Variants in TSPAN14 observed in about 807,000 individuals in gnomAD.
TSPAN14 encodes the protein tetraspanin-14.
Under a neutral mutation model 36.6 loss-of-function variants are expected in TSPAN14, and 16 were observed. The ratio of observed to expected loss-of-function variants is 0.44; its 90% CI spans 0.30 to 0.66. The LOEUF (loss-of-function observed/expected upper bound fraction) is 0.66. Among genes scored for constraint, TSPAN14 ranks in the 30% least tolerant of loss-of-function variants. The probability of loss-of-function intolerance (pLI) is 0.12; values close to 1 mark genes in which losing one functional copy is unlikely to be tolerated. For synonymous variants in TSPAN14, 139 were observed against 143.8 expected (o/e 0.97, Z 0.24); for missense variants, 231 against 355.1 (o/e 0.65, Z 2.81).
chr10:80,500,314 CTTTTTTTTTTTTTTT>C (rs144759161), intron 2 of TSPAN14, among the ~76,000 whole-genome samples: 11 of 47,890 alleles, frequency 2.3e-4, no homozygotes, highest in African/African-American at 4.3e-4. Context: ...AGGCCTTATT[CTTTTTTTTTTTTTTT>C]TTTTTTTTTT....
intron 1 of TSPAN14, among the ~76,000 whole-genome samples, chr10:80,474,874 T>TA: frequency 6.6e-6 from 1 of 152,206 alleles, no homozygotes; most frequent in East Asian, 1.9e-4. Context: ...TATTAGTATA[T>TA]AAAAAATGAG....
chr10:80,489,976 G>A (rs1847837220), intron 2 of TSPAN14, among the ~76,000 whole-genome samples: 1 of 152,204 alleles, frequency 6.6e-6, no homozygotes, highest in Admixed American at 6.5e-5. Context: ...ACAAACAGAA[G>A]GCCATGTGGC....
intron 2 of TSPAN14, among the ~76,000 whole-genome samples, chr10:80,501,443 C>A (rs1302438154): frequency 6.6e-6 from 1 of 152,118 alleles, no homozygotes; most frequent in Non-Finnish European, 1.5e-5. Flanking sequence ...GGAAACAATA[C>A]CCTTAGAAGT....
chr10:80,489,303 A>G lies in TSPAN14; in HGVS notation c.70A>G (p.Ile24Val), dbSNP rs1589269774. Reference sequence around the variant, plus strand: ...CAAGTACCTCCTTTTCAGCTACAACATCATCTTCTGGGTAAGTGGATGAGA... The same window carrying G: ...CAAGTACCTCCTTTTCAGCTACAACGTCATCTTCTGGGTAAGTGGATGAGA... The change falls in exon 2 of 9, where the codon ATC becomes GTC. Residue 24 changes from isoleucine to valine, a missense_variant. Physicochemically the swap from Ile to Val is conservative, Grantham distance 29. Transcript: ENST00000429989. The G allele has an allele frequency of 3.8e-6, 6 of 1,571,312 alleles. No homozygotes were observed. The highest frequency in any genetic ancestry group is 1.9e-5 in the Admixed American group (1 of 53,790).
intron 1 of TSPAN14, among the ~76,000 whole-genome samples, chr10:80,467,195 G>T (rs980546421): frequency 6.6e-6 from 1 of 152,080 alleles, no homozygotes; most frequent in Non-Finnish European, 1.5e-5. Context: ...AATCCCAAAA[G>T]GGAGGAGGTA....
chr10:80,483,058 T>C (rs1050580829), intron 1 of TSPAN14, among the ~76,000 whole-genome samples: 1 of 151,986 alleles, frequency 6.6e-6, no homozygotes, highest in African/African-American at 2.4e-5. Context: ...TTCACACTTA[T>C]GAATTGTTGA....
chr10:80,510,873 CAAAAA>C (rs1441945280), intron 5 of TSPAN14, among the ~76,000 whole-genome samples: 2 of 151,468 alleles, frequency 1.3e-5, no homozygotes, highest in South Asian at 2.1e-4. Flanking sequence ...GACTCCGTCT[CAAAAA>C]AAAGATAAAA....
At chr10:80,512,612 C>T (rs1159381286) in intron 6 of TSPAN14, among the ~76,000 whole-genome samples, 1 of 152,184 alleles carries the variant, frequency 6.6e-6, no homozygotes, top group African/African-American at 2.4e-5. Context: ...GGAGCAGATT[C>T]CTAGAACTCA....
intron 1 of TSPAN14, among the ~76,000 whole-genome samples, chr10:80,479,351 A>G (rs1431419630): frequency 6.6e-6 from 1 of 151,442 alleles, no homozygotes; most frequent in Non-Finnish European, 1.5e-5. Context: ...GGTGTTTTAG[A>G]CATGAAGTCC....
chr10:80,507,248 C>T, exon 4 of TSPAN14: 1 of 1,614,186 alleles, frequency 6.2e-7, no homozygotes, highest in South Asian at 1.1e-5. Context: ...CCGACCTCAC[C>T]AAAGTGACCC....
At chr10:80,513,523 A>G (rs1840767921) in intron 6 of TSPAN14, among the ~76,000 whole-genome samples, 1 of 152,206 alleles carries the variant, frequency 6.6e-6, no homozygotes, top group Non-Finnish European at 1.5e-5. Context: ...TGCTTTTAGC[A>G]CATATAGTTC....
chr10:80,520,416 C>A (rs981443268), exon 9 of TSPAN14: 36 of 414,090 alleles, frequency 8.7e-5, no homozygotes, highest in Admixed American at 2.9e-5. Context: ...CGGCTGTCCG[C>A]ACAGAGGCAC....
intron 1 of TSPAN14, among the ~76,000 whole-genome samples, chr10:80,464,827 T>C (rs957361941): frequency 1.3e-5 from 2 of 150,896 alleles, no homozygotes; most frequent in African/African-American, 2.4e-5. Context: ...GGCTCTGCCC[T>C]GGTTTCCTGC....
chr10:80,504,864 C>G (rs1485922249), intron 3 of TSPAN14, 86 bp downstream of exon 3: 1 of 1,422,000 alleles, frequency 7.0e-7, no homozygotes, highest in Non-Finnish European at 9.9e-7. Flanking sequence ...CAATCTGTTC[C>G]CTGACAACAA....
chr10:80,518,214 A>G (rs1430508626), exon 9 of TSPAN14: 5 of 554,772 alleles, frequency 9.0e-6, no homozygotes, highest in African/African-American at 3.8e-5. Flanking sequence ...GAGACAGAGA[A>G]TGTGTCTTTA....
chr10:80,482,459 T>G (rs1847333098), intron 1 of TSPAN14, among the ~76,000 whole-genome samples: 1 of 150,554 alleles, frequency 6.6e-6, no homozygotes, highest in Non-Finnish European at 1.5e-5. Context: ...GCTAATTTTT[T>G]GTATTTTTAG....
intron 7 of TSPAN14, among the ~76,000 whole-genome samples, 172 bp downstream of exon 7, chr10:80,514,235 C>G (rs1366271916): frequency 6.6e-6 from 1 of 152,226 alleles, no homozygotes; most frequent in Admixed American, 6.5e-5. Context: ...GCTTCCTGAG[C>G]TGGCGGCAGG....
At chr10:80,506,627 T>C (rs995319538) in intron 3 of TSPAN14, among the ~76,000 whole-genome samples, 4 of 152,346 alleles carry the variant, frequency 2.6e-5, no homozygotes, top group African/African-American at 7.2e-5. Flanking sequence ...ATATTTAAAT[T>C]GAAATTGAAT....
In TSPAN14 at chr10:80,512,884, T is replaced by C. The variant is rs971831924; in HGVS notation, c.576+615T>C. ...AATTATTTTCTGTTTGTTGTTGTTG[T>C]TGTTGTTGTTGTTGTTTGGTTTTAT... is the stretch of plus-strand genomic sequence containing the variant. On this transcript the variant is annotated intron_variant, in intron 6 of 8. Transcript: ENST00000429989. Among the ~76,000 whole-genome samples the C allele has an allele frequency of 2.3e-4, 4 of 17,460 alleles. No homozygotes were observed. In the East Asian group the frequency reaches 0.029, roughly 127 times the overall value. 11.5% of individuals were successfully genotyped at this position (17,460 alleles called of 152,430 possible).
Sources: gnomAD v4.1 joint callset for allele counts (sites outside exome capture counted in the v4.1 genomes callset) on GRCh38, gnomAD v4.1.1 for gene constraint, MANE v1.5 for transcripts, NCBI Gene and HGNC (gene_info 2026-07-23, HGNC 2026-07-21) for gene names.